The following KLHL15 variants were observed in gnomAD, a reference collection of about 807,000 sequenced individuals.
KLHL15 encodes kelch like family member 15.
A neutral mutation model predicts 29.3 loss-of-function variants in KLHL15; 1 was observed. That is an observed-to-expected ratio of 0.03 (90% CI 0.01 to 0.16). The LOEUF (loss-of-function observed/expected upper bound fraction) is 0.16, where lower values mean the gene tolerates loss of function less well. Ranked by LOEUF, KLHL15 falls within the 10% of genes least tolerant of loss-of-function variation. The pLI is 1.00. For synonymous variants in KLHL15, 212 were observed against 184.5 expected (o/e 1.15, Z -1.21); for missense variants, 215 against 478.5 (o/e 0.45, Z 5.14).
chrX:24,014,132 G>A (rs1929629571), intron 2 of KLHL15, among the ~76,000 whole-genome samples: 1 of 109,650 alleles, frequency 9.1e-6, no homozygotes, highest in South Asian at 4.0e-4. Context: ...ATGGTAGCAT[G>A]CACCTACAGT....
chrX:24,022,393 G>A (rs1250369459), intron 2 of KLHL15, among the ~76,000 whole-genome samples: 1 of 77,066 alleles, frequency 1.3e-5, no homozygotes, highest in African/African-American at 6.9e-5. Context: ...CTGCGCTTTG[G>A]GAAGCCAAGG....
chrX:24,007,491 CAAAAA>C (rs1173565203), intron 2 of KLHL15, among the ~76,000 whole-genome samples: 2 of 62,324 alleles, frequency 3.2e-5, no homozygotes, highest in African/African-American at 1.5e-4. Context: ...ACCCCATTTC[CAAAAA>C]AAAAAAAAAA....
intron 3 of KLHL15, among the ~76,000 whole-genome samples, chrX:23,998,276 T>A (rs774085810): frequency 9.2e-6 from 1 of 108,189 alleles, no homozygotes; most frequent in African/African-American, 3.4e-5. Context: ...TGTGTGTGTG[T>A]GAGACGGAGT....
intron 2 of KLHL15, among the ~76,000 whole-genome samples, chrX:24,013,451 G>C (rs1269350264): frequency 9.1e-6 from 1 of 109,847 alleles, no homozygotes; most frequent in Non-Finnish European, 1.9e-5. Context: ...TTTTAGTAGA[G>C]AAGGAGTTTC....
chrX:24,025,169 C>A (rs979153835), intron 1 of KLHL15, 111 bp from the exon 2 acceptor site: 18 of 285,211 alleles, frequency 6.3e-5, no homozygotes, highest in Non-Finnish European at 1.1e-4. Context: ...CCTCGCAGCA[C>A]CCGACGGGGC....
At chrX:24,009,373 C>T (rs1929525460) in intron 2 of KLHL15, among the ~76,000 whole-genome samples, 1 of 110,695 alleles carries the variant, frequency 9.0e-6, no homozygotes, top group Non-Finnish European at 1.9e-5. Context: ...TGGCGGGCAT[C>T]TGTAATCCCA....
chrX:23,992,816 G>A (rs1929111190), intron 3 of KLHL15, among the ~76,000 whole-genome samples: 1 of 111,856 alleles, frequency 8.9e-6, no homozygotes, highest in Admixed American at 9.5e-5. Flanking sequence ...TACAACAGAT[G>A]GTAAAAATTG....
chrX:24,017,926 G>C (rs1371648538), intron 2 of KLHL15, among the ~76,000 whole-genome samples: 2 of 110,663 alleles, frequency 1.8e-5, no homozygotes, highest in East Asian at 5.6e-4. Flanking sequence ...AATGTGGCCA[G>C]ACCTCTTCCC....
intron 3 of KLHL15, among the ~76,000 whole-genome samples, chrX:23,996,553 C>T (rs931990083): frequency 5.2e-4 from 58 of 111,350 alleles, no homozygotes; most frequent in African/African-American, 1.9e-3. Flanking sequence ...ATTCCAGCTA[C>T]TCAGGAGGCT....
chrX:24,004,631 A>AAAT (rs1429015545), intron 3 of KLHL15, among the ~76,000 whole-genome samples: 1 of 109,325 alleles, frequency 9.1e-6, no homozygotes, highest in African/African-American at 3.3e-5. Context: ...TCTCTACTAA[A>AAAT]ACACAAAAAT....
chrX:23,987,694 G>A lies in KLHL15; in HGVS notation c.*227C>T, dbSNP rs1929010689. 2.9e-6 allele frequency: 1 copy of A among 344,509 alleles called. No homozygotes were observed. The highest frequency in any genetic ancestry group is 2.7e-5 in the African/African-American group (1 of 37,500). The allele number at this position is 344,509 out of a possible 1,213,427, so 28.4% of individuals were successfully genotyped here. On this transcript the variant is annotated 3_prime_UTR_variant, in exon 4 of 4. Coordinates refer to ENST00000328046, the MANE Select transcript of KLHL15 (RefSeq NM_030624.3). Reference sequence around the variant, plus strand: ...GATAAGTGGAGCATTCTATTCAACTGCTTCTGGAAGTAGTTTCAAGAGCTA... The same window carrying A: ...GATAAGTGGAGCATTCTATTCAACTACTTCTGGAAGTAGTTTCAAGAGCTA...
In KLHL15 at chrX:23,985,956, G is replaced by A. The variant is rs759688083; in HGVS notation, c.*1965C>T. On this transcript the variant is annotated 3_prime_UTR_variant, in exon 4 of 4. Transcript: ENST00000328046. Reference sequence around the variant, plus strand: ...AATGTATTTTTTAAATGTAGAAAAAGACTTTTACCCATATTACCATGGGAA... The same window carrying A: ...AATGTATTTTTTAAATGTAGAAAAAAACTTTTACCCATATTACCATGGGAA... 1 of 110,880 alleles carries A rather than the reference G, an allele frequency of 9.0e-6. No individual in the cohort carries two copies. The highest frequency in any genetic ancestry group is 1.9e-5 in the Non-Finnish European group (1 of 52,893). 9.1% of individuals were successfully genotyped at this position (110,880 alleles called of 1,213,427 possible).
chrX:24,017,211 CAAAA>C (rs781366129), intron 2 of KLHL15, among the ~76,000 whole-genome samples: 1 of 43,094 alleles, frequency 2.3e-5, no homozygotes, highest in Admixed American at 2.9e-4. Context: ...GAGCCTGTCT[CAAAA>C]AAAAAAAAAA....
At chrX:23,993,207 T>C (rs1368967352) in intron 3 of KLHL15, among the ~76,000 whole-genome samples, 4 of 105,774 alleles carry the variant, frequency 3.8e-5, no homozygotes, top group African/African-American at 1.5e-4. Flanking sequence ...CTGGGATCCT[T>C]GAGGCTTCAT....
In KLHL15 at chrX:23,989,207, T is replaced by TTG. The variant is rs1276992299; in HGVS notation, c.706-178_706-177insCA. ...TTTTAAAAAATCTTTTTTTTTTTTT[T>TTG]GGAGATGGAGTCTCACTCTGTTGCC... On this transcript the variant is annotated intron_variant, in intron 3 of 3. Coordinates refer to ENST00000328046, the MANE Select transcript of KLHL15 (RefSeq NM_030624.3). Among the ~76,000 whole-genome samples the TTG allele has an allele frequency of 7.3e-5, 8 of 109,922 alleles. No individual in the cohort carries two copies. The South Asian group carries it at 3.2e-3, about 43-fold the overall frequency.
chrX:24,024,487 A>G (rs1929878508), intron 2 of KLHL15, among the ~76,000 whole-genome samples: 1 of 111,683 alleles, frequency 9.0e-6, no homozygotes, highest in Admixed American at 9.6e-5. Context: ...TTTTTCTCAG[A>G]GTCACCCAAG....
chrX:24,025,258 G>C (rs1279536061), intron 1 of KLHL15, among the ~76,000 whole-genome samples, 200 bp from the exon 2 acceptor site: 1 of 110,740 alleles, frequency 9.0e-6, no homozygotes, highest in Non-Finnish European at 1.9e-5. Context: ...CACCAGCCGA[G>C]GAAGCGTCGA....
chrX:24,025,643 G>T (rs1156759660), intron 1 of KLHL15, among the ~76,000 whole-genome samples: 1 of 106,265 alleles, frequency 9.4e-6, no homozygotes, highest in East Asian at 3.1e-4. Context: ...CCCCCTGGTC[G>T]AGCGCCAATG....
chrX:24,001,840 A>T (rs1216177249), intron 3 of KLHL15, among the ~76,000 whole-genome samples: 8 of 104,954 alleles, frequency 7.6e-5, no homozygotes, highest in Non-Finnish European at 1.6e-4. Flanking sequence ...AGAAGAAAAA[A>T]ATATATATAT....
Sources: allele counts gnomAD v4.1 joint callset (sites outside exome capture counted in the v4.1 genomes callset), GRCh38; gene constraint gnomAD v4.1.1; transcripts MANE v1.5; gene names NCBI Gene and HGNC (gene_info 2026-07-23, HGNC 2026-07-21).